SI: variants seen among roughly 807,000 people sequenced by gnomAD.
The protein encoded by SI is sucrase-isomaltase, also known as sucrase-isomaltase, intestinal.
Under a neutral mutation model 253.3 loss-of-function variants are expected in SI, and 235 were observed. That is an observed-to-expected ratio of 0.93 (90% CI 0.83 to 1.03). SI has a LOEUF of 1.03. Ranked by LOEUF, SI falls within the 50% of genes least tolerant of loss-of-function variation. SI has a pLI of 0.00. For synonymous variants in SI, 819 were observed against 712.0 expected, an observed-to-expected ratio of 1.15 and a Z score of -2.39; for missense variants, 2,442 against 2,211.1, an observed-to-expected ratio of 1.10 and a Z score of -2.09.
chr3:165,082,299 A>C (rs949737837), upstream of SI, among the ~76,000 whole-genome samples: 1 of 151,844 alleles, frequency 6.6e-6, no homozygotes, highest in Non-Finnish European at 1.5e-5. Context: ...CTCATACGTA[A>C]TTCTATTTAT....
chr3:165,052,385 A>G (rs1713477218), intron 13 of SI, among the ~76,000 whole-genome samples: 1 of 152,146 alleles, frequency 6.6e-6, no homozygotes. Flanking sequence ...TGTCATTCAA[A>G]TCATCTTAAG....
At chr3:165,068,978 AG>A in intron 4 of SI, 99 bp downstream of exon 4, 1 of 1,060,342 alleles carries the variant, frequency 9.4e-7, no homozygotes, top group East Asian at 2.4e-5. Flanking sequence ...GAACATTCTC[AG>A]GAACATATTT....
intron 13 of SI, 137 bp from the exon 14 acceptor site, chr3:165,050,012 T>C (rs1302374247): frequency 9.6e-5 from 62 of 643,092 alleles, no homozygotes; most frequent in Non-Finnish European, 5.7e-5. Context: ...AAATATAAGC[T>C]ACCAACCTAA....
At chr3:165,034,914 C>A (rs1409516541) in intron 22 of SI, among the ~76,000 whole-genome samples, 1 of 151,860 alleles carries the variant, frequency 6.6e-6, no homozygotes, top group African/African-American at 2.4e-5. Context: ...AGCTACAGGC[C>A]AGTTAGGAAG....
At chr3:165,040,804 T>G in intron 18 of SI, 136 bp downstream of exon 18, 1 of 678,432 alleles carries the variant, frequency 1.5e-6, no homozygotes, top group Non-Finnish European at 2.6e-6. Flanking sequence ...ATATAGCTCT[T>G]CAAATCATTT....
At chr3:165,000,354 A>G (rs1276985886) in intron 37 of SI, among the ~76,000 whole-genome samples, 2 of 122,938 alleles carry the variant, frequency 1.6e-5, no homozygotes, top group East Asian at 3.8e-4. Context: ...GCACAAAGTT[A>G]CAGTTAGATA....
chr3:165,017,507 G>A (rs1419292441), intron 31 of SI, 41 bp downstream of exon 31: 15 of 1,573,914 alleles, frequency 9.5e-6, no homozygotes, highest in African/African-American at 1.4e-5. Flanking sequence ...CTACTTTTAC[G>A]TATTCCATAT....
chr3:165,026,239 G>C (rs1448170448), intron 25 of SI, among the ~76,000 whole-genome samples: 1 of 151,326 alleles, frequency 6.6e-6, no homozygotes, highest in Non-Finnish European at 1.5e-5. Context: ...GGCAAAGATG[G>C]ACATTATAAA....
chr3:165,030,433 C>T (rs1056998098), intron 25 of SI, among the ~76,000 whole-genome samples: 2 of 150,934 alleles, frequency 1.3e-5, no homozygotes, highest in Non-Finnish European at 1.5e-5. Flanking sequence ...GTGTAACTCT[C>T]AGACAGAGTA....
chr3:165,038,907 C>T (rs907231631), intron 20 of SI, among the ~76,000 whole-genome samples, 171 bp downstream of exon 20: 2 of 151,950 alleles, frequency 1.3e-5, no homozygotes, highest in Non-Finnish European at 2.9e-5. Flanking sequence ...GGTATACTTA[C>T]ACAAATTTTA....
At chr3:165,009,979 C>T (rs1056768722) in intron 34 of SI, among the ~76,000 whole-genome samples, 1 of 152,026 alleles carries the variant, frequency 6.6e-6, no homozygotes, top group African/African-American at 2.4e-5. Context: ...AAAGATTGAC[C>T]TGCAGCTAAG....
At chr3:165,016,650 G>T (rs1020341443) in intron 31 of SI, among the ~76,000 whole-genome samples, 1 of 151,854 alleles carries the variant, frequency 6.6e-6, no homozygotes, top group Non-Finnish European at 1.5e-5. Context: ...ATAGGTAATT[G>T]CAAGTATGTT....
At position 165,041,043 on chromosome 3, in the gene SI, TTGA is replaced by T. The variant is rs777912041; in HGVS notation, c.2053_2055del (p.Ser685del). 6.2e-7 allele frequency: 1 copy of T among 1,612,462 alleles called. No individual in the cohort carries two copies. The highest frequency in any genetic ancestry group is 8.5e-7 in the Non-Finnish European group (1 of 1,178,870). ...GTGTAGCGAATAGTTAAATACTGCC[TTGA>T]TGATTTAACCAAAAGTGAATTCTGC... On this transcript the variant is annotated inframe_deletion, in exon 18 of 48. Coordinates refer to ENST00000264382, the MANE Select transcript of SI (RefSeq NM_001041.4).
chr3:165,055,004 T>C (rs1050305511), intron 13 of SI, among the ~76,000 whole-genome samples, 190 bp downstream of exon 13: 1 of 152,192 alleles, frequency 6.6e-6, no homozygotes, highest in Non-Finnish European at 1.5e-5. Context: ...TTGGCATTTT[T>C]TGTTTTGTTT....
At chr3:165,060,123 T>A in intron 9 of SI, 96 bp from the exon 10 acceptor site, 2 of 1,034,320 alleles carry the variant, frequency 1.9e-6, no homozygotes, top group Non-Finnish European at 2.9e-6. Context: ...CTTATATCTC[T>A]AAAATTCATT....
rs761985114 is a variant in SI at position 165,059,044 on chromosome 3, T to C, written c.1317A>G (p.Thr439=). 1.7e-5 allele frequency: 28 copies of C among 1,612,484 alleles called. No homozygotes were observed. Among genetic ancestry groups the C allele is most frequent in the Non-Finnish European group, 2.3e-5 (27 of 1,179,202 alleles). ...AISIGRRANG[T]TYATYERGNT... is the part of the protein sequence containing the mutation. ...TTCCCCTCTCATAGGTTGCATATGT[T>C]GTTCCATTGGCACGTCGACCTATGG... Residue 439 remains threonine (T), a synonymous_variant, in exon 12 of 48, where the codon ACA becomes ACG. Coordinates refer to ENST00000264382, the MANE Select transcript of SI (RefSeq NM_001041.4).
intron 15 of SI, among the ~76,000 whole-genome samples, chr3:165,047,630 A>T (rs1357431827): frequency 6.6e-6 from 1 of 152,052 alleles, no homozygotes; most frequent in South Asian, 2.1e-4. Context: ...TCCTTTATCA[A>T]ATTACATAAA....
chr3:165,046,547 T>G (rs1713127064), intron 16 of SI, among the ~76,000 whole-genome samples: 1 of 152,036 alleles, frequency 6.6e-6, no homozygotes, highest in Admixed American at 6.6e-5. Context: ...TTCACCATCT[T>G]ATTTTTTTCT....
In SI at chr3:165,063,538, T is replaced by G; in HGVS notation, c.811A>C (p.Asn271His). The change falls in exon 8 of 48, where the codon AAT becomes CAT. Residue 271 changes from asparagine (N) to histidine (H), a missense_variant. Transcript: ENST00000264382. ...GTTTGATGGCCGTATAAATTATTATTATTCTATAAGGCAAGAATTTGAAAA... is the reference window on the plus strand; with the variant it reads ...GTTTGATGGCCGTATAAATTATTATGATTCTATAAGGCAAGAATTTGAAAA... ...FTRDQLPGDN[N>H]NNLYGHQTFF... The G allele has an allele frequency of 7.2e-7, 1 of 1,382,354 alleles. No individual in the cohort carries two copies. 85.6% of individuals were successfully genotyped at this position (1,382,354 alleles called of 1,614,324 possible).
Sources: gnomAD v4.1 joint callset for allele counts (sites outside exome capture counted in the v4.1 genomes callset) on GRCh38, gnomAD v4.1.1 for gene constraint, MANE v1.5 for transcripts, NCBI Gene and HGNC (gene_info 2026-07-23, HGNC 2026-07-21) for gene names.